ZNF253: variants seen among roughly 807,000 people sequenced by gnomAD.
The protein encoded by ZNF253 is DNA-binding protein.
A neutral mutation model predicts 11.9 loss-of-function variants in ZNF253; 8 were observed. The ratio of observed to expected loss-of-function variants is 0.67; its 90% CI spans 0.40 to 1.22. ZNF253 has a LOEUF of 1.22. ZNF253 is among the 50% of genes most tolerant of loss of function. ZNF253 has a pLI of 0.01. For missense variants in ZNF253, 485 were observed against 586.9 expected (o/e 0.83, Z 1.79); for synonymous variants, 194 against 194.9 (o/e 1.00, Z 0.04).
intron 3 of ZNF253, among the ~76,000 whole-genome samples, chr19:19,886,871 G>C (rs926473592): frequency 2.6e-4 from 39 of 151,842 alleles, no homozygotes; most frequent in African/African-American, 9.4e-4. Flanking sequence ...TTTTTTATCT[G>C]AATTTTATAT....
chr19:19,885,635 T>C (rs1302831145), intron 3 of ZNF253, among the ~76,000 whole-genome samples: 61 of 151,894 alleles, frequency 4.0e-4, no homozygotes, highest in African/African-American at 1.3e-3. Flanking sequence ...TCATGATCCG[T>C]CCGCCTCGGC....
intron 1 of ZNF253, among the ~76,000 whole-genome samples, chr19:19,868,250 A>G (rs1247870646): frequency 6.6e-6 from 1 of 152,078 alleles, no homozygotes; most frequent in Non-Finnish European, 1.5e-5. Context: ...TGGTAGCTTC[A>G]TCATGAAGTG....
chr19:19,885,063 T>C (rs924163179), intron 3 of ZNF253, among the ~76,000 whole-genome samples: 2 of 152,140 alleles, frequency 1.3e-5, no homozygotes, highest in Admixed American at 6.5e-5. Context: ...TCAACTATTT[T>C]CTAAGGGACG....
At chr19:19,885,259 CTT>C (rs764649584) in intron 3 of ZNF253, among the ~76,000 whole-genome samples, 111 of 62,128 alleles carry the variant, frequency 1.8e-3, no homozygotes, top group South Asian at 7.2e-3. Context: ...TTCTTTCTTT[CTT>C]TCTTTCTTTC....
rs779779250 is a variant in ZNF253, at chr19:19,878,434, T to C, written c.4-47T>C. 3.1e-6 allele frequency: 5 copies of C among 1,612,686 alleles called. No individual in the cohort carries two copies. In the South Asian group the frequency reaches 5.5e-5, roughly 18 times the overall value. On this transcript the variant is annotated intron_variant, in intron 1 of 3. Transcript: ENST00000589717. Reference sequence around the variant, plus strand: ...ATTTCACCTTAAGTCAAATTAAAAATTCCTCTCATGCCATTTAGTAATTAT... The same window carrying C: ...ATTTCACCTTAAGTCAAATTAAAAACTCCTCTCATGCCATTTAGTAATTAT...
intron 1 of ZNF253, among the ~76,000 whole-genome samples, chr19:19,872,238 T>C (rs1220930478): frequency 1.3e-5 from 2 of 152,092 alleles, no homozygotes; most frequent in African/African-American, 2.4e-5. Context: ...ATCTCCACTT[T>C]CCCCTTTGTC....
At chr19:19,873,510 G>A (rs1164429432) in intron 1 of ZNF253, among the ~76,000 whole-genome samples, 1 of 152,132 alleles carries the variant, frequency 6.6e-6, no homozygotes, top group African/African-American at 2.4e-5. Context: ...GAAAAGTGTG[G>A]TTAATTCTGC....
chr19:19,873,909 T>C (rs2063144323), intron 1 of ZNF253, among the ~76,000 whole-genome samples: 1 of 151,650 alleles, frequency 6.6e-6, no homozygotes, highest in African/African-American at 2.4e-5. Flanking sequence ...GAATTGTTAT[T>C]ATAATTAATT....
chr19:19,884,078 TACCTC>T, intron 3 of ZNF253, among the ~76,000 whole-genome samples: 1 of 149,456 alleles, frequency 6.7e-6, no homozygotes, highest in African/African-American at 2.5e-5. Context: ...AAAAAAAAGA[TACCTC>T]ATATAAGTGG....
At chr19:19,869,116 C>G (rs184825870) in intron 1 of ZNF253, among the ~76,000 whole-genome samples, 2 of 152,170 alleles carry the variant, frequency 1.3e-5, no homozygotes, top group East Asian at 3.9e-4. Context: ...CACACAGAAG[C>G]TTAGCAGAAA....
chr19:19,889,962 A>T (rs1220786187), intron 3 of ZNF253, among the ~76,000 whole-genome samples: 7 of 152,222 alleles, frequency 4.6e-5, no homozygotes, highest in African/African-American at 1.7e-4. Context: ...TCTGAATTTT[A>T]AAAATTACTT....
intron 1 of ZNF253, among the ~76,000 whole-genome samples, chr19:19,874,274 T>C (rs2063145805): frequency 1.3e-5 from 2 of 152,072 alleles, no homozygotes; most frequent in Admixed American, 6.5e-5. Flanking sequence ...ACCTGTAATT[T>C]TAGCACTTTG....
rs757436007 is a variant in ZNF253 at position 19,891,739 on chromosome 19, A to G, written c.492A>G (p.Thr164=). 8.1e-6 allele frequency: 13 copies of G among 1,614,030 alleles called. No individual in the cohort carries two copies. Among genetic ancestry groups the G allele is most frequent in the Non-Finnish European group, 1.0e-5 (12 of 1,180,012 alleles). The change falls in exon 4 of 4, where the codon ACA becomes ACG. Residue 164 remains threonine, a synonymous_variant. Coordinates refer to ENST00000589717, the MANE Select transcript of ZNF253 (RefSeq NM_021047.3). ...HKFSNSNTYK[T]RHTGINLFKC... is the part of the protein sequence containing the mutation. ...TTTCAAATTCAAACACATATAAGAC[A>G]AGACATACTGGAATAAATCTTTTCA...
intron 1 of ZNF253, among the ~76,000 whole-genome samples, chr19:19,874,762 A>T (rs2063147824): frequency 6.6e-6 from 1 of 151,940 alleles, no homozygotes. Context: ...ATACAAAAAA[A>T]TTAGCCGGGC....
intron 1 of ZNF253, among the ~76,000 whole-genome samples, chr19:19,873,095 T>G (rs535355926): frequency 2.0e-5 from 3 of 152,214 alleles, no homozygotes; most frequent in African/African-American, 4.8e-5. Flanking sequence ...TCTGTGAGAT[T>G]TTTCACATCT....
chr19:19,889,970 C>T (rs926007645), intron 3 of ZNF253, among the ~76,000 whole-genome samples: 1 of 152,176 alleles, frequency 6.6e-6, no homozygotes, highest in Non-Finnish European at 1.5e-5. Flanking sequence ...TTAAAAATTA[C>T]TTTATTCACT....
At chr19:19,890,067 G>A (rs1247914034) in intron 3 of ZNF253, among the ~76,000 whole-genome samples, 1 of 152,180 alleles carries the variant, frequency 6.6e-6, no homozygotes, top group Non-Finnish European at 1.5e-5. Context: ...CTTTGAGTGA[G>A]ATTCAGGCAT....
At chr19:19,872,111 C>T (rs377025876) in intron 1 of ZNF253, among the ~76,000 whole-genome samples, 4 of 152,236 alleles carry the variant, frequency 2.6e-5, no homozygotes, top group South Asian at 4.1e-4. Flanking sequence ...AGTGATCAAT[C>T]GTTTTATCTC....
At chr19:19,881,052 G>GA (rs1222578984) in intron 3 of ZNF253, among the ~76,000 whole-genome samples, 2 of 151,982 alleles carry the variant, frequency 1.3e-5, no homozygotes, top group South Asian at 4.2e-4. Context: ...CCATTACTGT[G>GA]AAAAAAATAC....
Sources: gnomAD v4.1 joint callset for allele counts (sites outside exome capture counted in the v4.1 genomes callset) on GRCh38, gnomAD v4.1.1 for gene constraint, MANE v1.5 for transcripts, NCBI Gene and HGNC (gene_info 2026-07-23, HGNC 2026-07-21) for gene names.